Variants in KANSL3 observed in about 807,000 individuals in gnomAD.
KANSL3 encodes the protein KAT8 regulatory NSL complex subunit 3, also known as NSL complex protein NSL3.
A neutral mutation model predicts 89.2 loss-of-function variants in KANSL3; 16 were observed. The observed-to-expected ratio is 0.18, with a 90% CI of 0.12 to 0.27. The LOEUF is 0.27. Ranked by LOEUF, KANSL3 falls within the 10% of genes least tolerant of loss-of-function variation. The pLI is 1.00. For missense variants in KANSL3, 879 were observed against 1,110.6 expected (o/e 0.79, Z 2.96); for synonymous variants, 385 against 419.7 (o/e 0.92, Z 1.01).
intron 2 of KANSL3, 174 bp from the exon 3 acceptor site, chr2:96,631,656 C>A (rs1046680933): frequency 1.4e-6 from 1 of 737,840 alleles, no homozygotes; most frequent in Non-Finnish European, 2.4e-6. Flanking sequence ...TTGTCTAGAT[C>A]TCTGCCCTCT....
At chr2:96,607,347 A>G (rs1253268482) in intron 14 of KANSL3, among the ~76,000 whole-genome samples, 1 of 152,162 alleles carries the variant, frequency 6.6e-6, no homozygotes. Context: ...CCGTTTGCCC[A>G]TCAGCTCTGC....
intron 1 of KANSL3, chr2:96,638,069 G>C (rs2074508107): frequency 1.3e-5 from 2 of 152,450 alleles, no homozygotes; most frequent in Non-Finnish European, 2.9e-5. Context: ...CTGGGGCAGG[G>C]CTCGGCGTCC....
intron 2 of KANSL3, among the ~76,000 whole-genome samples, chr2:96,632,927 C>G (rs1301262478): frequency 6.8e-6 from 1 of 147,600 alleles, no homozygotes. Flanking sequence ...GATTGCGCCA[C>G]TGCACTCCAG....
Position 96,619,342 on chromosome 2 carries a change from C to T in KANSL3, c.663+17G>A. 1.9e-6 allele frequency: 3 copies of T among 1,601,656 alleles called. No individual in the cohort carries two copies. The highest frequency in any genetic ancestry group is 1.1e-5 in the South Asian group (1 of 89,192). On this transcript the variant is annotated intron_variant, in intron 5 of 20. Coordinates refer to ENST00000431828, the MANE Select transcript of KANSL3 (RefSeq NM_001115016.3). ...TGGCTATCCCTAGGACAGGGCAGAC[C>T]CCAATCACAGCCTTACCTTCCCCTT...
chr2:96,629,287 G>A (rs1265018016), intron 3 of KANSL3, among the ~76,000 whole-genome samples: 1 of 152,020 alleles, frequency 6.6e-6, no homozygotes, highest in Non-Finnish European at 1.5e-5. Context: ...ATCTTCATTC[G>A]TAGCAGTTTT....
At chr2:96,628,173 C>T in intron 3 of KANSL3, 1 of 1,283,810 alleles carries the variant, frequency 7.8e-7, no homozygotes, top group Non-Finnish European at 1.0e-6. Context: ...ATTCCGTGGA[C>T]TCATCTTGCC....
intron 17 of KANSL3, chr2:96,603,915 GT>G (rs1553409475): frequency 5.4e-6 from 1 of 183,772 alleles, no homozygotes; most frequent in Non-Finnish European, 1.1e-5. Flanking sequence ...TTTGGTAGTG[GT>G]GAGGGTCCTA....
Position 96,595,395 on chromosome 2 carries a change from CA to C in KANSL3, c.*215del. 1 of 528,902 alleles carries C rather than the reference CA, an allele frequency of 1.9e-6. No homozygotes were observed. The highest frequency in any genetic ancestry group is 3.4e-6 in the Non-Finnish European group (1 of 294,492). The allele number at this position is 528,902 out of a possible 1,614,324, so 32.8% of individuals were successfully genotyped here. ...TGAGGAGTCTGGGGTTCCCAGGAAC[CA>C]GATTTGCAGATCCTGGACGATGGTG... On this transcript the variant is annotated 3_prime_UTR_variant, in exon 21 of 21. Coordinates refer to ENST00000431828, the MANE Select transcript of KANSL3 (RefSeq NM_001115016.3).
At chr2:96,585,440 C>T in the KANSL3 span, among the ~76,000 whole-genome samples, 1 of 152,006 alleles carries the variant, frequency 6.6e-6, no homozygotes, top group East Asian at 1.9e-4. Context: ...CTTATTCCTG[C>T]GAGAATGGCC....
intron 3 of KANSL3, among the ~76,000 whole-genome samples, chr2:96,621,595 G>A (rs758652493): frequency 6.6e-6 from 1 of 151,504 alleles, no homozygotes; most frequent in African/African-American, 2.4e-5. Flanking sequence ...GGCTGAGGCA[G>A]GAGGAGTCCA....
chr2:96,591,221 T>C (rs968026519), downstream of KANSL3, among the ~76,000 whole-genome samples: 4 of 152,190 alleles, frequency 2.6e-5, no homozygotes, highest in African/African-American at 7.2e-5. Context: ...GGAAATGATA[T>C]TGAATGAAAA....
chr2:96,593,586 T>G lies in KANSL3; in HGVS notation c.*2025A>C, dbSNP rs1164931077. 3.2e-6 allele frequency: 1 copy of G among 315,352 alleles called. No homozygotes were observed. Among genetic ancestry groups the G allele is most frequent in the Non-Finnish European group, 6.3e-6 (1 of 158,298 alleles). 19.5% of individuals were successfully genotyped at this position (315,352 alleles called of 1,614,324 possible). ...GTTCTCACAGCTCCCCTTCTTCAGT[T>G]GTGGAGTTCTTCAAGGTGGACAGAT... On this transcript the variant is annotated 3_prime_UTR_variant, in exon 21 of 21. Coordinates refer to ENST00000431828, the MANE Select transcript of KANSL3 (RefSeq NM_001115016.3).
chr2:96,599,836 T>C (rs114789050), intron 20 of KANSL3: 1 of 174,212 alleles, frequency 5.7e-6, no homozygotes, highest in African/African-American at 2.4e-5. Context: ...AGTTAAAATT[T>C]TGATTTCCAC....
At chr2:96,611,903 A>ATATATGTGTGTGTGTGTGTGTGTG in intron 9 of KANSL3, among the ~76,000 whole-genome samples, 1 of 113,328 alleles carries the variant, frequency 8.8e-6, no homozygotes, top group East Asian at 2.5e-4. Flanking sequence ...ATATACCCAT[A>ATATATGTGTGTGTGTGTGTGTGTG]TGTGTGTGTG....
In KANSL3 at chr2:96,593,665, G is replaced by C. The variant is rs1558636662; in HGVS notation, c.*1946C>G. Reference sequence around the variant, plus strand: ...CACACTAGAATTTATCATAAAGGCAGGTCGGCTTGTTAGTTTTTCTTTGTC... The same window carrying C: ...CACACTAGAATTTATCATAAAGGCACGTCGGCTTGTTAGTTTTTCTTTGTC... On this transcript the variant is annotated 3_prime_UTR_variant, in exon 21 of 21. Transcript: ENST00000431828. 4.8e-6 allele frequency: 1 copy of C among 209,902 alleles called. No homozygotes were observed. Among genetic ancestry groups the C allele is most frequent in the Admixed American group, 5.1e-5 (1 of 19,440 alleles). The allele number at this position is 209,902 out of a possible 1,614,324, so 13.0% of individuals were successfully genotyped here.
chr2:96,619,308 A>G, intron 5 of KANSL3, 51 bp downstream of exon 5: 7 of 1,526,862 alleles, frequency 4.6e-6, no homozygotes, highest in South Asian at 1.2e-5. Flanking sequence ...CTGAACCCAC[A>G]GGGGAGGATG....
In KANSL3 at chr2:96,605,439, G is replaced by C; in HGVS notation, c.1814C>G (p.Pro605Arg). The C allele has an allele frequency of 6.2e-7, 1 of 1,613,928 alleles. No individual in the cohort carries two copies. ...CTTACTGCCAGGAAGGGGACTCGAGGGATGGTGTCGCTTCAGCTGAACCCT... is the reference window on the plus strand; with the variant it reads ...CTTACTGCCAGGAAGGGGACTCGAGCGATGGTGTCGCTTCAGCTGAACCCT... The part of the protein sequence containing the change: ...DLRVQLKRHH[P>R]SSPLPGSKTS... Residue 605 changes from proline to arginine, a missense_variant, in exon 15 of 21, where the codon CCC becomes CGC. Coordinates refer to ENST00000431828, the MANE Select transcript of KANSL3 (RefSeq NM_001115016.3).
intron 3 of KANSL3, among the ~76,000 whole-genome samples, chr2:96,628,877 G>A (rs967035976): frequency 3.9e-5 from 6 of 152,074 alleles, no homozygotes; most frequent in African/African-American, 1.4e-4. Context: ...AGGCCACCTT[G>A]TTCAGCCACC....
intron 14 of KANSL3, chr2:96,605,721 T>TCATCCCTCATCC (rs2067884361): frequency 2.5e-6 from 1 of 399,880 alleles, no homozygotes. Context: ...TTTGCCCTTC[T>TCATCCCTCATCC]TAGAGGATGG....
Sources: gnomAD v4.1 joint callset for allele counts (sites outside exome capture counted in the v4.1 genomes callset) on GRCh38, gnomAD v4.1.1 for gene constraint, MANE v1.5 for transcripts, NCBI Gene and HGNC (gene_info 2026-07-23, HGNC 2026-07-21) for gene names.